The following THRB variants were observed in gnomAD, a reference collection of about 807,000 sequenced individuals.
THRB encodes thyroid hormone receptor beta.
In THRB, 12 loss-of-function variants were observed where a neutral mutation model predicts 47.8. The ratio of observed to expected loss-of-function variants is 0.25; its 90% CI spans 0.16 to 0.41. The LOEUF is 0.41. Among genes scored for constraint, THRB ranks in the 10% least tolerant of loss-of-function variants. The pLI is 1.00. For missense variants in THRB, 348 were observed against 589.2 expected (o/e 0.59, Z 4.24); for synonymous variants, 218 against 212.2 (o/e 1.03, Z -0.24).
intron 9 of THRB, among the ~76,000 whole-genome samples, chr3:24,129,678 A>G (rs1559406520): frequency 6.6e-6 from 1 of 152,240 alleles, no homozygotes. Context: ...ACACCTGCCA[A>G]AATGCTTTCA....
rs138622935 is a variant in THRB, at chr3:24,270,419, A to G, written c.-43+26807T>C. On this transcript the variant is annotated intron_variant, in intron 3 of 10. Transcript: ENST00000646209. Reference sequence around the variant, plus strand: ...AGAGATGAGCTGGAAATCCCATTTAATTATCAAAATAACAAGAATGAAAAG... The same window carrying G: ...AGAGATGAGCTGGAAATCCCATTTAGTTATCAAAATAACAAGAATGAAAAG... 4.0e-3 allele frequency among the ~76,000 whole-genome samples: 602 copies of G among 152,352 alleles called. 3 individuals carry two copies. The highest frequency in any genetic ancestry group is 5.6e-3 in the Non-Finnish European group (379 of 68,036).
chr3:24,407,341 C>T (rs2067907150), intron 1 of THRB, among the ~76,000 whole-genome samples: 1 of 74,920 alleles, frequency 1.3e-5, no homozygotes, highest in Admixed American at 1.3e-4. Flanking sequence ...CCACAGATTG[C>T]AAACATTTTT....
rs367881521 is a variant in THRB, at chr3:24,121,121, TAAAG to T, written c.*1759_*1762del. 7.2e-4 allele frequency: 109 copies of T among 151,620 alleles called. No homozygotes were observed. Among genetic ancestry groups the T allele is most frequent in the African/African-American group, 2.5e-3 (101 of 40,942 alleles). 9.4% of individuals were successfully genotyped at this position (151,620 alleles called of 1,614,324 possible). On this transcript the variant is annotated 3_prime_UTR_variant, in exon 11 of 11. Transcript: ENST00000646209. Reference sequence around the variant, plus strand: ...AATTTAAGTGTTAAAAAAAAATAATTAAAGGAACCAGATTTTTTTTTTCCCCTTG... The same window carrying T: ...AATTTAAGTGTTAAAAAAAAATAATTGAACCAGATTTTTTTTTTCCCCTTG...
At position 24,208,347 on chromosome 3, in the gene THRB, A is replaced by G. The variant is rs1173932339; in HGVS notation, c.23-18013T>C. Reference sequence around the variant, plus strand: ...TTTCTTCACAGAATTGGAAAAAACTACTTTAAAGTTCATATGGAACGAAAA... The same window carrying G: ...TTTCTTCACAGAATTGGAAAAAACTGCTTTAAAGTTCATATGGAACGAAAA... On this transcript the variant is annotated intron_variant, in intron 4 of 10. Coordinates refer to ENST00000646209, the MANE Select transcript of THRB (RefSeq NM_001354712.2). Among the ~76,000 whole-genome samples the G allele has an allele frequency of 2.0e-5, 3 of 152,184 alleles. No individual in the cohort carries two copies. The South Asian group carries it at 6.2e-4, about 31-fold the overall frequency.
rs370230507 is a variant in THRB at position 24,168,490 on chromosome 3, A to AATATATAT, written c.284-16008_284-16001dup. On this transcript the variant is annotated intron_variant, in intron 5 of 10. Transcript: ENST00000646209. ...TCCGATTAGAAGTGTTTCAATCAAT[A>AATATATAT]ATATATATATATATATATATGCGCC... Among the ~76,000 whole-genome samples, 694 of 137,986 alleles carry AATATATAT rather than the reference A, an allele frequency of 5.0e-3. 27 individuals are homozygous for AATATATAT. The highest frequency in any genetic ancestry group is 0.025 in the South Asian group (106 of 4,228). The allele number at this position is 137,986 out of a possible 152,430, so 90.5% of individuals were successfully genotyped here.
At chr3:24,456,334 A>T (rs1000310992) in intron 1 of THRB, among the ~76,000 whole-genome samples, 10 of 139,700 alleles carry the variant, frequency 7.2e-5, no homozygotes, top group Non-Finnish European at 1.4e-4. Flanking sequence ...GACCCTGTCT[A>T]AAAAAAAAAA....
intron 2 of THRB, among the ~76,000 whole-genome samples, chr3:24,327,300 T>C (rs1444921071): frequency 6.6e-6 from 1 of 152,054 alleles, no homozygotes; most frequent in East Asian, 1.9e-4. Context: ...CTAATTGATG[T>C]ATTTAGGAAT....
At chr3:24,444,123 T>C (rs1488747436) in intron 1 of THRB, among the ~76,000 whole-genome samples, 1 of 152,130 alleles carries the variant, frequency 6.6e-6, no homozygotes, top group Admixed American at 6.5e-5. Context: ...GCTGTTAAAA[T>C]CAGAAACAAG....
chr3:24,209,668 C>T (rs1318940579), intron 4 of THRB, among the ~76,000 whole-genome samples: 1 of 152,096 alleles, frequency 6.6e-6, no homozygotes, highest in Non-Finnish European at 1.5e-5. Flanking sequence ...CACACCAGGG[C>T]CTGTCATAGG....
intron 8 of THRB, among the ~76,000 whole-genome samples, chr3:24,133,858 G>A (rs868054413): frequency 3.9e-5 from 6 of 152,178 alleles, no homozygotes; most frequent in Non-Finnish European, 5.9e-5. Context: ...GTCTGTGTGT[G>A]GGAGGTGGGC....
chr3:24,434,191 T>A (rs2070716241), intron 1 of THRB, among the ~76,000 whole-genome samples: 1 of 152,180 alleles, frequency 6.6e-6, no homozygotes, highest in Admixed American at 6.5e-5. Context: ...AGCTTAAATT[T>A]ATGTTTAAAA....
intron 2 of THRB, among the ~76,000 whole-genome samples, chr3:24,313,125 A>T (rs2149221049): frequency 6.6e-6 from 1 of 152,222 alleles, no homozygotes; most frequent in South Asian, 2.1e-4. Context: ...TGGTGCCGCC[A>T]TTTACTGAGA....
chr3:24,479,702 T>C (rs138372681), intron 1 of THRB, among the ~76,000 whole-genome samples: 86 of 152,260 alleles, frequency 5.6e-4, no homozygotes, highest in Non-Finnish European at 8.1e-4. Context: ...ATGAGAACCA[T>C]GCAAAAGTCC....
intron 1 of THRB, among the ~76,000 whole-genome samples, chr3:24,352,156 A>T (rs547921722): frequency 6.6e-6 from 1 of 152,292 alleles, no homozygotes; most frequent in South Asian, 2.1e-4. Context: ...GGAAGGAACT[A>T]GTTCAGGCAT....
intron 1 of THRB, among the ~76,000 whole-genome samples, chr3:24,375,070 T>C (rs562199929): frequency 6.6e-6 from 1 of 151,010 alleles, no homozygotes; most frequent in African/African-American, 2.5e-5. Flanking sequence ...TTTGGCACAG[T>C]TTTTTTTCAT....
At chr3:24,250,964 A>C (rs187793701) in intron 3 of THRB, among the ~76,000 whole-genome samples, 60 of 152,288 alleles carry the variant, frequency 3.9e-4, no homozygotes, top group Middle Eastern at 3.4e-3. Context: ...GAGTAGAAAT[A>C]GGTAGAAATG....
chr3:24,335,060 G>C (rs1178908127), intron 2 of THRB, among the ~76,000 whole-genome samples: 1 of 152,174 alleles, frequency 6.6e-6, no homozygotes, highest in Non-Finnish European at 1.5e-5. Flanking sequence ...TGGTGACCCA[G>C]ATGGTCTCTC....
At chr3:24,447,409 C>A (rs2072205439) in intron 1 of THRB, among the ~76,000 whole-genome samples, 1 of 152,090 alleles carries the variant, frequency 6.6e-6, no homozygotes, top group African/African-American at 2.4e-5. Context: ...TGCAGTGAAC[C>A]TAGGAGAGAA....
rs145048631 is a variant in THRB, at chr3:24,340,400, T to TTCTCTC, written c.-260-3035_-260-3030dup. Among the ~76,000 whole-genome samples, 44 of 148,658 alleles carry TTCTCTC rather than the reference T, an allele frequency of 3.0e-4. No individual in the cohort carries two copies. The South Asian group carries it at 6.7e-3, about 22-fold the overall frequency. On this transcript the variant is annotated intron_variant, in intron 1 of 10. Coordinates refer to ENST00000646209, the MANE Select transcript of THRB (RefSeq NM_001354712.2). ...CTTCCTCCTCCTCTTCCACCTTCTTTTCTCTCTCTCTCTCTCTCTCTCATC... is the reference window on the plus strand; with the variant it reads ...CTTCCTCCTCCTCTTCCACCTTCTTTTCTCTCTCTCTCTCTCTCTCTCTCTCTCATC...
Sources: allele counts gnomAD v4.1 joint callset (sites outside exome capture counted in the v4.1 genomes callset), GRCh38; gene constraint gnomAD v4.1.1; transcripts MANE v1.5; gene names NCBI Gene and HGNC (gene_info 2026-07-23, HGNC 2026-07-21).